The following TAFA2 variants were observed in gnomAD, a reference collection of about 807,000 sequenced individuals.
The protein encoded by TAFA2 is chemokine-like protein TAFA-2.
TAFA2 carries 7 observed loss-of-function variants against 18.8 expected under a neutral mutation model. That is an observed-to-expected ratio of 0.37 (90% CI 0.21 to 0.70). The LOEUF (loss-of-function observed/expected upper bound fraction) is 0.70, where lower values mean the gene tolerates loss of function less well. TAFA2 is among the 30% of genes least tolerant of loss of function. TAFA2 has a pLI of 0.53. For missense variants in TAFA2, 122 were observed against 158.1 expected (o/e 0.77, Z 1.23); for synonymous variants, 60 against 54.2 (o/e 1.11, Z -0.47).
At chr12:62,102,383 GA>G (rs1474956336) in intron 1 of TAFA2, among the ~76,000 whole-genome samples, 1 of 152,152 alleles carries the variant, frequency 6.6e-6, no homozygotes, top group Non-Finnish European at 1.5e-5. Flanking sequence ...AGTGTAACTT[GA>G]AGGTCACAAT....
intron 1 of TAFA2, among the ~76,000 whole-genome samples, chr12:61,998,580 A>G (rs992337108): frequency 1.3e-5 from 2 of 152,118 alleles, no homozygotes; most frequent in Admixed American, 6.6e-5. Context: ...TATTTTTCCC[A>G]TTTTACAGAT....
At chr12:61,975,342 T>C (rs2136669962) in intron 1 of TAFA2, among the ~76,000 whole-genome samples, 1 of 151,886 alleles carries the variant, frequency 6.6e-6, no homozygotes, top group African/African-American at 2.4e-5. Context: ...TAACCACCAT[T>C]CTACTCTCTG....
chr12:61,776,340 CTT>C (rs1226965175), intron 2 of TAFA2: 1 of 169,774 alleles, frequency 5.9e-6, no homozygotes, highest in African/African-American at 2.4e-5. Flanking sequence ...GAGAAACACA[CTT>C]TGTGAGAACC....
intron 1 of TAFA2, among the ~76,000 whole-genome samples, chr12:61,905,373 C>T (rs1018829753): frequency 6.6e-6 from 1 of 152,020 alleles, no homozygotes; most frequent in Non-Finnish European, 1.5e-5. Flanking sequence ...AGTTCAATAA[C>T]CCAATGTTAC....
chr12:62,235,446 G>A lies in TAFA2; in HGVS notation c.-130+23317C>T, dbSNP rs188178292. 7 of 631,778 alleles carry A rather than the reference G, an allele frequency of 1.1e-5. No individual in the cohort carries two copies. In the East Asian group the frequency reaches 1.7e-4, roughly 15 times the overall value. 39.1% of individuals were successfully genotyped at this position (631,778 alleles called of 1,614,324 possible). A position where few individuals can be genotyped will look rare whatever the true frequency, so the allele number is the denominator to read the frequency against. On this transcript the variant is annotated intron_variant, in intron 1 of 5. Transcript: ENST00000551619. ...GAGTTCTACTTATCCTGGGCAGCCTGGTGCGCCGCCTGCCACTGGCTCAGC... is the reference window on the plus strand; with the variant it reads ...GAGTTCTACTTATCCTGGGCAGCCTAGTGCGCCGCCTGCCACTGGCTCAGC...
At chr12:62,018,315 T>A (rs1881005831) in intron 1 of TAFA2, among the ~76,000 whole-genome samples, 1 of 152,232 alleles carries the variant, frequency 6.6e-6, no homozygotes, top group Admixed American at 6.5e-5. Flanking sequence ...CCCAGTATTA[T>A]TATTCTCCTT....
intron 1 of TAFA2, among the ~76,000 whole-genome samples, chr12:62,035,363 A>G (rs1286105072): frequency 6.6e-6 from 1 of 152,210 alleles, no homozygotes; most frequent in African/African-American, 2.4e-5. Context: ...AGAATTGTTA[A>G]TAATGTCCAA....
chr12:62,037,012 A>C (rs1022887638), intron 1 of TAFA2, among the ~76,000 whole-genome samples: 1 of 152,252 alleles, frequency 6.6e-6, no homozygotes, highest in African/African-American at 2.4e-5. Context: ...GAGTGCTTGG[A>C]AGGTATTTAT....
At chr12:62,212,830 G>A (rs2062719640) in intron 1 of TAFA2, among the ~76,000 whole-genome samples, 1 of 152,086 alleles carries the variant, frequency 6.6e-6, no homozygotes, top group South Asian at 2.1e-4. Flanking sequence ...CTTAATGATT[G>A]CATTAATGAG....
chr12:61,853,692 G>A (rs777371211), intron 2 of TAFA2, among the ~76,000 whole-genome samples: 30 of 152,274 alleles, frequency 2.0e-4, no homozygotes, highest in Admixed American at 4.6e-4. Context: ...CCACATCAGT[G>A]TGTGGCTGCC....
intron 2 of TAFA2, among the ~76,000 whole-genome samples, chr12:61,761,855 A>G (rs551759411): frequency 1.2e-4 from 18 of 152,144 alleles, no homozygotes; most frequent in Middle Eastern, 3.4e-3. Flanking sequence ...GTAATCCCCA[A>G]TGCTGAAGAT....
chr12:62,181,530 C>A (rs1046467392), intron 1 of TAFA2, among the ~76,000 whole-genome samples: 1 of 152,154 alleles, frequency 6.6e-6, no homozygotes, highest in African/African-American at 2.4e-5. Flanking sequence ...ATGACTATTA[C>A]GAACTATATT....
At chr12:62,114,625 T>C (rs1869880894) in intron 1 of TAFA2, among the ~76,000 whole-genome samples, 2 of 152,324 alleles carry the variant, frequency 1.3e-5, no homozygotes, top group African/African-American at 2.4e-5. Flanking sequence ...GCCAGGCATA[T>C]TAATTATGTA....
At chr12:61,878,677 A>C (rs1221740269) in intron 1 of TAFA2, among the ~76,000 whole-genome samples, 1 of 152,142 alleles carries the variant, frequency 6.6e-6, no homozygotes, top group Non-Finnish European at 1.5e-5. Context: ...GATCACACAC[A>C]TTTTCTTATG....
At chr12:61,869,215 T>G (rs1322072647) in intron 1 of TAFA2, among the ~76,000 whole-genome samples, 1 of 152,162 alleles carries the variant, frequency 6.6e-6, no homozygotes, top group Non-Finnish European at 1.5e-5. Flanking sequence ...TAGATCAGAC[T>G]GTTGGGGTTT....
intron 1 of TAFA2, among the ~76,000 whole-genome samples, chr12:62,114,284 C>A (rs1161363042): frequency 6.6e-6 from 1 of 152,114 alleles, no homozygotes; most frequent in Non-Finnish European, 1.5e-5. Flanking sequence ...TAAGGTGATG[C>A]CCCACCCTGC....
chr12:62,094,655 T>C (rs997760929), intron 1 of TAFA2, among the ~76,000 whole-genome samples: 43 of 152,068 alleles, frequency 2.8e-4, no homozygotes, highest in African/African-American at 1.0e-3. Flanking sequence ...CTTACTCTAT[T>C]TCAGATACTT....
At chr12:61,909,546 C>G (rs560198703) in intron 1 of TAFA2, among the ~76,000 whole-genome samples, 7 of 152,208 alleles carry the variant, frequency 4.6e-5, no homozygotes, top group Non-Finnish European at 8.8e-5. Flanking sequence ...GGAAAAGATG[C>G]CTACCAAAGA....
chr12:62,038,852 A>T, intron 1 of TAFA2, among the ~76,000 whole-genome samples: 1 of 152,318 alleles, frequency 6.6e-6, no homozygotes, highest in East Asian at 1.9e-4. Flanking sequence ...TTTTTAAAAG[A>T]AATGAAAATA....
Sources: allele counts gnomAD v4.1 joint callset (sites outside exome capture counted in the v4.1 genomes callset), GRCh38; gene constraint gnomAD v4.1.1; transcripts MANE v1.5; gene names NCBI Gene and HGNC (gene_info 2026-07-23, HGNC 2026-07-21).